Variants in ARHGAP26 observed in about 807,000 individuals in gnomAD.
The protein encoded by ARHGAP26 is Rho GTPase activating protein 26.
A neutral mutation model predicts 104.8 loss-of-function variants in ARHGAP26; 38 were observed. The ratio of observed to expected loss-of-function variants is 0.36; its 90% CI spans 0.28 to 0.48. The LOEUF is 0.48. Among genes scored for constraint, ARHGAP26 ranks in the 20% least tolerant of loss-of-function variants. The probability of loss-of-function intolerance (pLI) is 0.99; values close to 1 mark genes in which losing one functional copy is unlikely to be tolerated. For missense variants in ARHGAP26, 704 were observed against 947.9 expected (o/e 0.74, Z 3.38); for synonymous variants, 341 against 340.0 (o/e 1.00, Z -0.03).
intron 1 of ARHGAP26, among the ~76,000 whole-genome samples, chr5:142,817,284 C>T (rs1020552279): frequency 6.6e-6 from 1 of 152,136 alleles, no homozygotes; most frequent in African/African-American, 2.4e-5. Flanking sequence ...CTGGAAAGAG[C>T]AGGAGCAGAG....
chr5:143,103,905 T>C (rs1462425710), intron 17 of ARHGAP26, among the ~76,000 whole-genome samples: 2 of 152,086 alleles, frequency 1.3e-5, no homozygotes, highest in East Asian at 3.9e-4. Flanking sequence ...AACCAGCACA[T>C]TCTGCACGTG....
intron 4 of ARHGAP26, among the ~76,000 whole-genome samples, chr5:142,881,751 A>C (rs1239469431): frequency 2.0e-5 from 3 of 152,360 alleles, no homozygotes; most frequent in Admixed American, 6.5e-5. Context: ...TAGGCGACCC[A>C]GGGAGCAGTC....
intron 20 of ARHGAP26, among the ~76,000 whole-genome samples, chr5:143,159,599 C>T (rs180698615): frequency 3.9e-5 from 6 of 152,266 alleles, no homozygotes; most frequent in African/African-American, 7.2e-5. Context: ...ACATCTAGGC[C>T]CCTTCCCTGG....
chr5:143,136,398 A>G (rs1420766429), intron 19 of ARHGAP26, among the ~76,000 whole-genome samples: 2 of 152,202 alleles, frequency 1.3e-5, no homozygotes, highest in African/African-American at 4.8e-5. Context: ...ATGTTAGGAA[A>G]TGCTCCCTGG....
chr5:143,221,687 T>A (rs1033537732), intron 22 of ARHGAP26, among the ~76,000 whole-genome samples: 2 of 151,896 alleles, frequency 1.3e-5, no homozygotes, highest in Non-Finnish European at 2.9e-5. Flanking sequence ...CAAACCTAGG[T>A]AGTTTTTGTA....
At chr5:143,054,116 G>A (rs989436623) in intron 14 of ARHGAP26, among the ~76,000 whole-genome samples, 2 of 152,164 alleles carry the variant, frequency 1.3e-5, no homozygotes, top group Admixed American at 6.5e-5. Flanking sequence ...AGGATAGACT[G>A]TGAGAAATGA....
At chr5:143,000,874 T>C (rs2152783395) in intron 11 of ARHGAP26, among the ~76,000 whole-genome samples, 2 of 151,954 alleles carry the variant, frequency 1.3e-5, no homozygotes, top group Middle Eastern at 6.8e-3. Flanking sequence ...CCAGGGCCTG[T>C]TGGGGGATGG....
At chr5:143,065,124 T>TG (rs1787297863) in intron 17 of ARHGAP26, among the ~76,000 whole-genome samples, 1 of 152,118 alleles carries the variant, frequency 6.6e-6, no homozygotes, top group Admixed American at 6.5e-5. Flanking sequence ...CCTTTAATTT[T>TG]GGGAGTATTA....
At chr5:143,098,069 T>C (rs1056654125) in intron 17 of ARHGAP26, among the ~76,000 whole-genome samples, 5 of 152,168 alleles carry the variant, frequency 3.3e-5, no homozygotes, top group Admixed American at 2.0e-4. Context: ...AACTCTTCCT[T>C]TATAATAGCG....
intron 19 of ARHGAP26, among the ~76,000 whole-genome samples, chr5:143,136,256 A>G (rs1021738713): frequency 3.3e-5 from 5 of 152,218 alleles, no homozygotes; most frequent in African/African-American, 1.2e-4. Flanking sequence ...CACACAAGGC[A>G]GAGGATGAAA....
At chr5:143,199,241 A>G (rs1400281596) in intron 20 of ARHGAP26, among the ~76,000 whole-genome samples, 2 of 152,234 alleles carry the variant, frequency 1.3e-5, no homozygotes, top group Non-Finnish European at 2.9e-5. Flanking sequence ...TTCTGCTCAT[A>G]AAGTTGTGAA....
intron 18 of ARHGAP26, among the ~76,000 whole-genome samples, chr5:143,123,970 C>T (rs1228262108): frequency 6.6e-6 from 1 of 152,174 alleles, no homozygotes; most frequent in East Asian, 1.9e-4. Flanking sequence ...TAGAAACACA[C>T]ACACACACAC....
intron 17 of ARHGAP26, among the ~76,000 whole-genome samples, chr5:143,108,098 A>C (rs887623006): frequency 1.3e-5 from 2 of 152,250 alleles, no homozygotes. Context: ...TTGAACTTAC[A>C]TTGAAATTTT....
In ARHGAP26 at chr5:142,977,931, C is replaced by T. The variant is rs183951502; in HGVS notation, c.1108-36149C>T. Among the ~76,000 whole-genome samples the T allele has an allele frequency of 1.2e-3, 180 of 152,328 alleles. 1 individual carries two copies. The highest frequency in any genetic ancestry group is 4.2e-3 in the African/African-American group (175 of 41,576). Reference sequence around the variant, plus strand: ...CCAGCATGAAGAAACTGGAGCAGCACCTTGAGAGGTTTCATCAGCCCATGG... The same window carrying T: ...CCAGCATGAAGAAACTGGAGCAGCATCTTGAGAGGTTTCATCAGCCCATGG... On this transcript the variant is annotated intron_variant, in intron 11 of 22. Coordinates refer to ENST00000645722, the MANE Select transcript of ARHGAP26 (RefSeq NM_001135608.3).
At chr5:142,811,671 A>G (rs1236483785) in intron 1 of ARHGAP26, among the ~76,000 whole-genome samples, 1 of 151,864 alleles carries the variant, frequency 6.6e-6, no homozygotes. Flanking sequence ...TAATAGACTT[A>G]CCTCCTGGGG....
chr5:143,064,540 G>A (rs780717441), intron 17 of ARHGAP26, among the ~76,000 whole-genome samples: 2 of 151,894 alleles, frequency 1.3e-5, no homozygotes, highest in Non-Finnish European at 2.9e-5. Flanking sequence ...ACTAAGAATG[G>A]GATTCTCAAA....
chr5:143,024,526 C>T (rs768697253), intron 12 of ARHGAP26, among the ~76,000 whole-genome samples: 1 of 152,074 alleles, frequency 6.6e-6, no homozygotes, highest in Non-Finnish European at 1.5e-5. Context: ...CCCCTAAAGC[C>T]CAGTGCAAGG....
intron 11 of ARHGAP26, among the ~76,000 whole-genome samples, chr5:142,969,596 T>C (rs1242048628): frequency 6.6e-6 from 1 of 152,236 alleles, no homozygotes; most frequent in Non-Finnish European, 1.5e-5. Context: ...CCATGAATAA[T>C]GTTCGTTTAA....
intron 1 of ARHGAP26, among the ~76,000 whole-genome samples, chr5:142,824,170 G>A (rs918910794): frequency 6.6e-6 from 1 of 152,076 alleles, no homozygotes; most frequent in Admixed American, 6.5e-5. Context: ...GCTGCAGTTC[G>A]CGTTCCCATG....
Sources: gnomAD v4.1 joint callset for allele counts (sites outside exome capture counted in the v4.1 genomes callset) on GRCh38, gnomAD v4.1.1 for gene constraint, MANE v1.5 for transcripts, NCBI Gene and HGNC (gene_info 2026-07-23, HGNC 2026-07-21) for gene names.